SYT9: variants seen among roughly 807,000 people sequenced by gnomAD.
The protein encoded by SYT9 is synaptotagmin 9, also known as synaptotagmin-9.
SYT9 carries 22 observed loss-of-function variants against 48.4 expected under a neutral mutation model. That is an observed-to-expected ratio of 0.45 (90% CI 0.32 to 0.65). The LOEUF (loss-of-function observed/expected upper bound fraction) is 0.65. Ranked by LOEUF, SYT9 falls within the 30% of genes least tolerant of loss-of-function variation. The pLI is 0.03. For synonymous variants in SYT9, 265 were observed against 245.0 expected (o/e 1.08, Z -0.76); for missense variants, 577 against 622.0 (o/e 0.93, Z 0.77).
chr11:7,455,780 G>A (rs1848140867), intron 6 of SYT9, among the ~76,000 whole-genome samples: 1 of 152,212 alleles, frequency 6.6e-6, no homozygotes, highest in African/African-American at 2.4e-5. Context: ...TTGGTACTTA[G>A]TCCCTCATGG....
At chr11:7,337,052 C>G (rs7941156) in intron 3 of SYT9, among the ~76,000 whole-genome samples, 61,997 of 151,890 alleles carry the variant, frequency 0.41, 13,529 homozygotes, top group African/African-American at 0.56. Context: ...TCACTGTAGA[C>G]ATCTTTACCT....
chr11:7,404,067 T>C (rs1285423123), intron 3 of SYT9, among the ~76,000 whole-genome samples: 3 of 152,204 alleles, frequency 2.0e-5, no homozygotes, highest in Non-Finnish European at 2.9e-5. Flanking sequence ...ATATAATTTG[T>C]CTGATATTAA....
intron 3 of SYT9, among the ~76,000 whole-genome samples, chr11:7,375,006 C>T: frequency 6.6e-6 from 1 of 152,116 alleles, no homozygotes; most frequent in East Asian, 1.9e-4. Context: ...ATGCCTATGT[C>T]CTGAATTATT....
intron 6 of SYT9, among the ~76,000 whole-genome samples, chr11:7,463,260 T>C (rs931617571): frequency 2.0e-5 from 3 of 152,250 alleles, no homozygotes; most frequent in Non-Finnish European, 4.4e-5. Context: ...CCACCGTTAC[T>C]GTCTCCGGTG....
At chr11:7,290,430 G>C (rs1019473047) in intron 1 of SYT9, among the ~76,000 whole-genome samples, 2 of 152,180 alleles carry the variant, frequency 1.3e-5, no homozygotes, top group Non-Finnish European at 2.9e-5. Context: ...CATGATGCTT[G>C]TCCCAGAACC....
chr11:7,238,931 G>A, intron 1 of SYT9: 1 of 456,098 alleles, frequency 2.2e-6, no homozygotes, highest in Non-Finnish European at 4.4e-6. Context: ...AGTTGCTAGT[G>A]GGGAATCTTG....
At chr11:7,308,591 G>A (rs933068810) in intron 2 of SYT9, among the ~76,000 whole-genome samples, 3 of 152,158 alleles carry the variant, frequency 2.0e-5, no homozygotes, top group Admixed American at 6.5e-5. Context: ...TACAGCATCC[G>A]CTTGAGGTGG....
At chr11:7,431,666 C>G (rs570794139) in intron 6 of SYT9, among the ~76,000 whole-genome samples, 71 of 152,338 alleles carry the variant, frequency 4.7e-4, no homozygotes, top group African/African-American at 1.4e-3. Context: ...CAGGGCCCCA[C>G]GGCCCTGTGC....
intron 3 of SYT9, among the ~76,000 whole-genome samples, chr11:7,402,085 T>C (rs919660736): frequency 2.6e-5 from 4 of 152,118 alleles, no homozygotes; most frequent in Non-Finnish European, 5.9e-5. Context: ...CTGTTATTTT[T>C]CTTTAATTTG....
intron 3 of SYT9, among the ~76,000 whole-genome samples, chr11:7,350,062 T>C (rs1849882710): frequency 6.6e-6 from 1 of 152,156 alleles, no homozygotes; most frequent in South Asian, 2.1e-4. Context: ...GCCTCATGGG[T>C]CAATATAGTT....
At chr11:7,429,661 G>T (rs549479521) in intron 6 of SYT9, among the ~76,000 whole-genome samples, 2 of 152,306 alleles carry the variant, frequency 1.3e-5, no homozygotes, top group Non-Finnish European at 2.9e-5. Flanking sequence ...TGGGAGTGAA[G>T]AGAACCATTC....
At chr11:7,459,082 C>T (rs1848199041) in intron 6 of SYT9, among the ~76,000 whole-genome samples, 1 of 152,112 alleles carries the variant, frequency 6.6e-6, no homozygotes, top group South Asian at 2.1e-4. Flanking sequence ...AAGGGAGACC[C>T]AATAGGGTTT....
chr11:7,271,057 T>C (rs1419418524), intron 1 of SYT9, among the ~76,000 whole-genome samples: 1 of 152,134 alleles, frequency 6.6e-6, no homozygotes, highest in Admixed American at 6.5e-5. Context: ...GTCACTATTA[T>C]TTGGCTGGTG....
chr11:7,371,390 A>T (rs572049011), intron 3 of SYT9, among the ~76,000 whole-genome samples: 27 of 152,126 alleles, frequency 1.8e-4, no homozygotes, highest in African/African-American at 6.3e-4. Flanking sequence ...AATTTTGTAA[A>T]CTTTAAAAAT....
chr11:7,422,187 G>A (rs576008615), intron 6 of SYT9, among the ~76,000 whole-genome samples: 2 of 152,304 alleles, frequency 1.3e-5, no homozygotes, highest in East Asian at 3.9e-4. Context: ...CGGCTGTGGA[G>A]AGGCAGAGAG....
At chr11:7,249,404 A>G (rs931512746), upstream of SYT9, among the ~76,000 whole-genome samples, 1 of 152,186 alleles carries the variant, frequency 6.6e-6, no homozygotes, top group African/African-American at 2.4e-5. Context: ...TGACTTCTTG[A>G]TGGGAAGAGT....
intron 3 of SYT9, among the ~76,000 whole-genome samples, chr11:7,331,301 A>G (rs1326577925): frequency 6.7e-6 from 1 of 150,006 alleles, no homozygotes; most frequent in African/African-American, 2.5e-5. Flanking sequence ...TTTACAAGCA[A>G]TATCAAGGAT....
intron 3 of SYT9, among the ~76,000 whole-genome samples, chr11:7,369,815 A>ACACACACG (rs910239373): frequency 2.0e-5 from 3 of 150,028 alleles, no homozygotes; most frequent in Non-Finnish European, 4.4e-5. Flanking sequence ...ACACACACAC[A>ACACACACG]CACACACAAA....
intron 6 of SYT9, among the ~76,000 whole-genome samples, chr11:7,431,252 T>C (rs936052467): frequency 2.6e-5 from 4 of 152,178 alleles, no homozygotes; most frequent in Non-Finnish European, 4.4e-5. Context: ...GTCCATACCT[T>C]AGGGATTTGT....
Sources: gnomAD v4.1 joint callset for allele counts (sites outside exome capture counted in the v4.1 genomes callset) on GRCh38, gnomAD v4.1.1 for gene constraint, MANE v1.5 for transcripts, NCBI Gene and HGNC (gene_info 2026-07-23, HGNC 2026-07-21) for gene names.